PDE1C: variants seen among roughly 807,000 people sequenced by gnomAD.
The protein encoded by PDE1C is dual specificity calcium/calmodulin-dependent 3',5'-cyclic nucleotide phosphodiesterase 1C.
A neutral mutation model predicts 93.1 loss-of-function variants in PDE1C; 62 were observed. The ratio of observed to expected loss-of-function variants is 0.67; its 90% CI spans 0.54 to 0.82. The LOEUF (loss-of-function observed/expected upper bound fraction) is 0.82, where lower values mean the gene tolerates loss of function less well. Among genes scored for constraint, PDE1C ranks in the 40% least tolerant of loss-of-function variants. The pLI, the probability that PDE1C is intolerant of heterozygous loss-of-function variation, is 0.00. For synonymous variants in PDE1C, 325 were observed against 310.1 expected (o/e 1.05, Z -0.50); for missense variants, 742 against 884.6 (o/e 0.84, Z 2.04).
chr7:32,244,467 C>T (rs1808772273), intron 1 of PDE1C, among the ~76,000 whole-genome samples: 1 of 152,194 alleles, frequency 6.6e-6, no homozygotes, highest in African/African-American at 2.4e-5. Context: ...GAAGAGGCGT[C>T]TGTGAGTCCT....
chr7:31,666,106 C>T, the PDE1C span, among the ~76,000 whole-genome samples: 130 of 152,308 alleles, frequency 8.5e-4, no homozygotes, highest in Non-Finnish European at 5.0e-4. Context: ...GTGGAAAGTA[C>T]ACTTGCTTGA....
intron 1 of PDE1C, among the ~76,000 whole-genome samples, chr7:32,405,639 C>A (rs2128096611): frequency 6.6e-6 from 1 of 152,272 alleles, no homozygotes; most frequent in Non-Finnish European, 1.5e-5. Context: ...GTTTCACCTG[C>A]AACTTCCCAG....
intron 1 of PDE1C, among the ~76,000 whole-genome samples, chr7:32,379,893 C>G (rs186112499): frequency 2.6e-5 from 4 of 152,322 alleles, no homozygotes; most frequent in Admixed American, 2.0e-4. Flanking sequence ...TGGGAAACAT[C>G]CAATCAGTGT....
intron 2 of PDE1C, among the ~76,000 whole-genome samples, chr7:32,205,377 G>A (rs1425227973): frequency 2.0e-5 from 3 of 152,306 alleles, no homozygotes; most frequent in Non-Finnish European, 4.4e-5. Flanking sequence ...TGAGGACTTG[G>A]AGAACCTTTC....
At position 31,887,036 on chromosome 7, in the gene PDE1C, G is replaced by T. The variant is rs76051852; in HGVS notation, c.129-6176C>A. 7.7e-3 allele frequency among the ~76,000 whole-genome samples: 1,170 copies of T among 152,214 alleles called. 18 individuals are homozygous for T. Among genetic ancestry groups the T allele is most frequent in the African/African-American group, 0.026 (1,101 of 41,552 alleles). ...ACAGAATGATGAGATTGGCATTTTAGAAAGATCAATCTAGCAGCTGAGTAG... is the reference window on the plus strand; with the variant it reads ...ACAGAATGATGAGATTGGCATTTTATAAAGATCAATCTAGCAGCTGAGTAG... On this transcript the variant is annotated intron_variant, in intron 2 of 17. Coordinates refer to ENST00000396191, the MANE Select transcript of PDE1C (RefSeq NM_001191057.4).
At chr7:31,638,624 A>C in the PDE1C span, among the ~76,000 whole-genome samples, 1 of 152,186 alleles carries the variant, frequency 6.6e-6, no homozygotes, top group Non-Finnish European at 1.5e-5. Context: ...TAAAGATGTT[A>C]CTCAACTGTC....
In PDE1C at chr7:32,348,356, C is replaced by CTTT. The variant is rs59148183; in HGVS notation, c.310+79463_310+79465dup. Among the ~76,000 whole-genome samples, 58 of 57,326 alleles carry CTTT rather than the reference C, an allele frequency of 1.0e-3. 8 individuals carry two copies. Among genetic ancestry groups the CTTT allele is most frequent in the African/African-American group, 1.1e-3 (18 of 16,144 alleles). The allele number at this position is 57,326 out of a possible 152,430, so 37.6% of individuals were successfully genotyped here. A position where few individuals can be genotyped will look rare whatever the true frequency, so the allele number is the denominator to read the frequency against. On this transcript the variant is annotated intron_variant, in intron 1 of 1. Transcript: ENST00000672256. ...TAACCAAAAATAAAAAACAAATGTG[C>CTTT]TTTTTTTTTTTTTTTTTTTTTTTTT...
chr7:32,381,454 G>A (rs1240343280), intron 1 of PDE1C, among the ~76,000 whole-genome samples: 2 of 151,982 alleles, frequency 1.3e-5, no homozygotes, highest in African/African-American at 4.8e-5. Context: ...GACTCATCCA[G>A]GCCTATGTGA....
intron 2 of PDE1C, among the ~76,000 whole-genome samples, chr7:31,987,582 C>T: frequency 6.6e-6 from 1 of 151,292 alleles, no homozygotes; most frequent in East Asian, 2.1e-4. Context: ...CTCTGAAAAG[C>T]ACCCAGGTGA....
intron 1 of PDE1C, among the ~76,000 whole-genome samples, chr7:32,288,485 C>T (rs1812140971): frequency 6.6e-6 from 1 of 152,144 alleles, no homozygotes; most frequent in African/African-American, 2.4e-5. Flanking sequence ...AAACGGTTGG[C>T]CTCATGAATG....
At chr7:32,055,105 G>A (rs1041150453) in intron 1 of PDE1C, among the ~76,000 whole-genome samples, 6 of 152,192 alleles carry the variant, frequency 3.9e-5, no homozygotes, top group African/African-American at 1.4e-4. Context: ...ATCTGCTAGT[G>A]TTTCTTCCTT....
chr7:32,108,230 CAA>C (rs71559210), intron 3 of PDE1C, among the ~76,000 whole-genome samples: 15 of 77,058 alleles, frequency 1.9e-4, no homozygotes, highest in Admixed American at 7.8e-4. Context: ...AAAAGCAAGA[CAA>C]AAAAAAAAAA....
chr7:31,724,057 CA>C, the PDE1C span, among the ~76,000 whole-genome samples: 1 of 152,166 alleles, frequency 6.6e-6, no homozygotes, highest in Non-Finnish European at 1.5e-5. Flanking sequence ...TGTCTGAACT[CA>C]ATGGTACAGA....
intron 3 of PDE1C, among the ~76,000 whole-genome samples, chr7:32,123,371 A>G (rs1382406262): frequency 6.6e-6 from 1 of 152,126 alleles, no homozygotes; most frequent in African/African-American, 2.4e-5. Context: ...TAAAGCCAGC[A>G]TCATCCTGAT....
intron 1 of PDE1C, among the ~76,000 whole-genome samples, chr7:32,341,174 T>TATTTTTTATTTTTTTTTATTTTA (rs72495478): frequency 1.2e-4 from 2 of 17,122 alleles, no homozygotes; most frequent in African/African-American, 1.9e-4. Flanking sequence ...AAATAAAGTC[T>TATTTTTTATTTTTTTTTATTTTA]TTTTTTTTTT....
intron 2 of PDE1C, among the ~76,000 whole-genome samples, chr7:31,965,861 C>T (rs991267773): frequency 6.6e-6 from 1 of 152,116 alleles, no homozygotes; most frequent in Non-Finnish European, 1.5e-5. Context: ...CCAAACTAAG[C>T]TTCATAAGTG....
chr7:31,931,289 G>A (rs959988399), intron 2 of PDE1C, among the ~76,000 whole-genome samples: 3 of 152,068 alleles, frequency 2.0e-5, no homozygotes, highest in South Asian at 2.1e-4. Flanking sequence ...GAAGACAGAA[G>A]GTCAAATTGT....
At chr7:31,638,225 G>A in the PDE1C span, among the ~76,000 whole-genome samples, 1 of 152,170 alleles carries the variant, frequency 6.6e-6, no homozygotes, top group Non-Finnish European at 1.5e-5. Flanking sequence ...AAAGGAAACT[G>A]AAAAGTTTTA....
chr7:31,828,199 G>T, intron 12 of PDE1C, 93 bp downstream of exon 12: 1 of 980,244 alleles, frequency 1.0e-6, no homozygotes, highest in Non-Finnish European at 1.6e-6. Flanking sequence ...AATGGAGCCA[G>T]TTTCCCAGCC....
Sources: allele counts gnomAD v4.1 joint callset (sites outside exome capture counted in the v4.1 genomes callset), GRCh38; gene constraint gnomAD v4.1.1; transcripts MANE v1.5; gene names NCBI Gene and HGNC (gene_info 2026-07-23, HGNC 2026-07-21).